The following SDF4 variants were observed in gnomAD, a reference collection of about 807,000 sequenced individuals.
SDF4 encodes the protein stromal cell derived factor 4.
SDF4 carries 22 observed loss-of-function variants against 34.2 expected under a neutral mutation model. The observed-to-expected ratio is 0.64, with a 90% CI of 0.46 to 0.92. The LOEUF is 0.92. Among genes scored for constraint, SDF4 ranks in the 40% least tolerant of loss-of-function variants. SDF4 has a pLI of 0.00. For synonymous variants in SDF4, 236 were observed against 203.1 expected, an observed-to-expected ratio of 1.16 and a Z score of -1.38; for missense variants, 447 against 499.9, an observed-to-expected ratio of 0.89 and a Z score of 1.01.
intron 4 of SDF4, chr1:1,219,415 C>A (rs980292315): frequency 9.8e-7 from 1 of 1,016,866 alleles, no homozygotes; most frequent in Non-Finnish European, 1.2e-6. Flanking sequence ...CCACCCCCCA[C>A]ACCCGCGCCT....
rs558380590 is a variant in SDF4, at chr1:1,218,748, C to A, written c.715+21G>T. ...TCGGTCCTGGGTCCTGGCGTGCCGG[C>A]CAGGCTGGACCCAGCCTCACCCAGG... is the stretch of plus-strand genomic sequence containing the variant. On this transcript the variant is annotated intron_variant, in intron 5 of 6. Transcript: ENST00000360001. The surrounding 1 kb of genome is among the most constrained non-coding windows in gnomAD (Gnocchi z 7.9). 3.9e-5 allele frequency: 63 copies of A among 1,612,218 alleles called. No homozygotes were observed. In the South Asian group the frequency reaches 5.7e-4, roughly 15 times the overall value.
At chr1:1,222,905 A>G (rs916389515) in intron 4 of SDF4, among the ~76,000 whole-genome samples, 3 of 152,246 alleles carry the variant, frequency 2.0e-5, no homozygotes, top group East Asian at 1.9e-4. Flanking sequence ...ACGAGCCTAC[A>G]TGAACAGCTA....
In SDF4 at chr1:1,223,292, C is replaced by T. The variant is rs140304008; in HGVS notation, c.508G>A (p.Val170Ile). Reference sequence around the variant, plus strand: ...TCGTTGAGCCTGATGGCGTCGGCAACCTCCTTCTCGCTATGGCCTTTACTC... The same window carrying T: ...TCGTTGAGCCTGATGGCGTCGGCAATCTCCTTCTCGCTATGGCCTTTACTC... Reference protein sequence around the residue: ...LASKGHSEKEVADAIRLNEEL... With the variant: ...LASKGHSEKEIADAIRLNEEL... The change falls in exon 4 of 7, where the codon GTT (valine) becomes ATT (isoleucine). Residue 170 changes from valine (V) to isoleucine (I), a missense_variant. By Grantham distance (29) the Val-to-Ile change is conservative. Coordinates refer to ENST00000360001, the MANE Select transcript of SDF4 (RefSeq NM_016176.6). The T allele has an allele frequency of 3.3e-4, 540 of 1,614,016 alleles. 2 individuals are homozygous for T. Among genetic ancestry groups the T allele is most frequent in the Non-Finnish European group, 4.3e-4 (505 of 1,180,022 alleles).
intron 4 of SDF4, chr1:1,219,165 A>G: frequency 9.5e-6 from 13 of 1,369,514 alleles, no homozygotes; most frequent in Non-Finnish European, 1.2e-5. Flanking sequence ...CATAGCTTGG[A>G]CCCCTCCACA....
At position 1,217,086 on chromosome 1, in the gene SDF4, A is replaced by C. The variant is rs1649541254; in HGVS notation, c.*426T>G. Reference sequence around the variant, plus strand: ...TGGCTACTCATTTCCAGCGAAGTTTAATCTATTTTTAATAATCGTTCAGTT... The same window carrying C: ...TGGCTACTCATTTCCAGCGAAGTTTCATCTATTTTTAATAATCGTTCAGTT... On this transcript the variant is annotated 3_prime_UTR_variant, in exon 7 of 7. Transcript: ENST00000360001. This position sits in a 1 kb window ranked among gnomAD's most constrained non-coding sequence, Gnocchi z 8.5. 6.6e-6 allele frequency: 1 copy of C among 152,282 alleles called. No homozygotes were observed. Among genetic ancestry groups the C allele is most frequent in the Non-Finnish European group, 1.5e-5 (1 of 68,104 alleles). 9.4% of individuals were successfully genotyped at this position (152,282 alleles called of 1,614,324 possible). A position where few individuals can be genotyped will look rare whatever the true frequency, so the allele number is the denominator to read the frequency against.
At chr1:1,219,044 C>T (rs1649733587) in intron 4 of SDF4, 117 bp from the exon 5 acceptor site, 1 of 1,598,582 alleles carries the variant, frequency 6.3e-7, no homozygotes, top group Admixed American at 1.7e-5. Flanking sequence ...AGACCGGGGC[C>T]CCACCCTCCA....
intron 1 of SDF4, among the ~76,000 whole-genome samples, chr1:1,229,605 A>G (rs898707865): frequency 1.3e-5 from 2 of 152,146 alleles, no homozygotes; most frequent in African/African-American, 4.8e-5. Flanking sequence ...ACCTGTCCCC[A>G]TCGCCCAACA....
rs758783783 is a variant in SDF4 at position 1,228,767 on chromosome 1, C to T, written c.6G>A (p.Ala2=). The stretch of plus-strand genomic sequence containing the variant: ...GGCCAATGAGGGGACCCCACCTGGA[C>T]GCCATCGCCACCCAGGGCCAGACCA... M[A]SRWGPLIGLA... The change falls in exon 2 of 7, where the codon GCG becomes GCA. Residue 2 remains alanine (A), a synonymous_variant. Transcript: ENST00000360001. 2.9e-5 allele frequency: 46 copies of T among 1,606,638 alleles called. No individual in the cohort carries two copies. The highest frequency in any genetic ancestry group is 1.4e-4 in the South Asian group (13 of 90,720).
At chr1:1,231,276 C>G (rs1194344246) in intron 1 of SDF4, among the ~76,000 whole-genome samples, 1 of 152,224 alleles carries the variant, frequency 6.6e-6, no homozygotes, top group Non-Finnish European at 1.5e-5. Context: ...CAGCTCAGTT[C>G]CCAGCAAGGA....
Position 1,218,434 on chromosome 1 carries a change from G to C in SDF4, c.891+24C>G. ...ACAGCACCTCGCAGGGCCGGCTCCG[G>C]GACACGGCTGCGCCAGGGCTCACCT... On this transcript the variant is annotated intron_variant, in intron 6 of 6. Coordinates refer to ENST00000360001, the MANE Select transcript of SDF4 (RefSeq NM_016176.6). This position sits in a 1 kb window ranked among gnomAD's most constrained non-coding sequence, Gnocchi z 7.9. 1 of 1,604,020 alleles carries C rather than the reference G, an allele frequency of 6.2e-7. No individual in the cohort carries two copies. Among genetic ancestry groups the C allele is most frequent in the Non-Finnish European group, 8.5e-7 (1 of 1,178,214 alleles).
chr1:1,231,032 G>A (rs1381864878), intron 1 of SDF4, among the ~76,000 whole-genome samples: 1 of 152,158 alleles, frequency 6.6e-6, no homozygotes, highest in African/African-American at 2.4e-5. Context: ...GACCAGCCTG[G>A]GCAACACAGT....
rs1412271268 is a variant in SDF4, at chr1:1,220,888, G to A, written c.557-1961C>T. ...AGACGCAGTCAGGACAGCAGGGAACGCGGGACCGGGGTGGAGGCACGAACC... is the reference window on the plus strand; with the variant it reads ...AGACGCAGTCAGGACAGCAGGGAACACGGGACCGGGGTGGAGGCACGAACC... On this transcript the variant is annotated intron_variant, in intron 4 of 6. Transcript: ENST00000360001. 1.2e-4 allele frequency: 71 copies of A among 602,694 alleles called. 1 individual carries two copies. The highest frequency in any genetic ancestry group is 7.1e-4 in the South Asian group (45 of 62,990). 37.3% of individuals were successfully genotyped at this position (602,694 alleles called of 1,614,324 possible). A position where few individuals can be genotyped will look rare whatever the true frequency, so the allele number is the denominator to read the frequency against.
Position 1,225,724 on chromosome 1 carries a change from A to G in SDF4, c.306-1756T>C, listed in dbSNP as rs541469637. 1.6e-3 allele frequency among the ~76,000 whole-genome samples: 196 copies of G among 119,794 alleles called. 2 individuals carry two copies. The highest frequency in any genetic ancestry group is 6.3e-3 in the African/African-American group (183 of 28,910). The allele number at this position is 119,794 out of a possible 152,430, so 78.6% of individuals were successfully genotyped here. On this transcript the variant is annotated intron_variant, in intron 2 of 6. Coordinates refer to ENST00000360001, the MANE Select transcript of SDF4 (RefSeq NM_016176.6). The stretch of plus-strand genomic sequence containing the variant: ...ACACAGGCCACACGCTCCACACGCC[A>G]CAGACACGGGCCACACACTCCACAT...
Position 1,220,735 on chromosome 1 carries a change from G to C in SDF4, c.557-1808C>G, listed in dbSNP as rs938595443. 4 of 1,289,220 alleles carry C rather than the reference G, an allele frequency of 3.1e-6. No homozygotes were observed. In the South Asian group the frequency reaches 4.9e-5, roughly 16 times the overall value. The allele number at this position is 1,289,220 out of a possible 1,614,324, so 79.9% of individuals were successfully genotyped here. A position where few individuals can be genotyped will look rare whatever the true frequency, so the allele number is the denominator to read the frequency against. The stretch of plus-strand genomic sequence containing the variant: ...TAGGTCCAGGTGGGCCATGTCCTGG[G>C]CAGAAAAGACCCAAATAAAGTGGCA... On this transcript the variant is annotated intron_variant, in intron 4 of 6. Transcript: ENST00000360001.
At chr1:1,223,596 TAA>T (rs1169398232) in intron 3 of SDF4, among the ~76,000 whole-genome samples, 11 of 152,024 alleles carry the variant, frequency 7.2e-5, no homozygotes, top group Non-Finnish European at 1.6e-4. Context: ...CCCGAAGACA[TAA>T]GAGGCGCCCT....
In SDF4 at chr1:1,229,763, C is replaced by G. The variant is rs373629964; in HGVS notation, c.-174-817G>C. Among the ~76,000 whole-genome samples, 128 of 152,320 alleles carry G rather than the reference C, an allele frequency of 8.4e-4. 1 individual carries two copies. The highest frequency in any genetic ancestry group is 2.9e-3 in the African/African-American group (122 of 41,564). On this transcript the variant is annotated intron_variant, in intron 1 of 6. Coordinates refer to ENST00000360001, the MANE Select transcript of SDF4 (RefSeq NM_016176.6). ...CTAAGTCATGTGGCCTCCCCGGCCT[C>G]AGCTTCTCACTAAGAAACAGGAGGC...
At chr1:1,227,813 G>A (rs758052207) in intron 2 of SDF4, among the ~76,000 whole-genome samples, 6 of 152,170 alleles carry the variant, frequency 3.9e-5, no homozygotes, top group South Asian at 2.1e-4. Context: ...GGATGGGGTC[G>A]GGGGAGAAAG....
Position 1,218,056 on chromosome 1 carries a change from T to C in SDF4, c.892-368A>G, listed in dbSNP as rs1416567780. Among the ~76,000 whole-genome samples the C allele has an allele frequency of 6.6e-6, 1 of 152,138 alleles. No individual in the cohort carries two copies. The highest frequency in any genetic ancestry group is 1.9e-4 in the East Asian group (1 of 5,186). Reference sequence around the variant, plus strand: ...AAAACAAGCCTACACATGATACCAGTGAAAACGCTTCAGAGGAAGGTGGTA... The same window carrying C: ...AAAACAAGCCTACACATGATACCAGCGAAAACGCTTCAGAGGAAGGTGGTA... On this transcript the variant is annotated intron_variant, in intron 6 of 6. Coordinates refer to ENST00000360001, the MANE Select transcript of SDF4 (RefSeq NM_016176.6). This position sits in a 1 kb window ranked among gnomAD's most constrained non-coding sequence, Gnocchi z 7.9.
Position 1,217,443 on chromosome 1 carries a change from G to C in SDF4, c.*69C>G. ...AAGAGGTGGGGTCCGGGACAGCCACGGAGCCCGGAGTCACCCGCGAGGCCG... is the reference window on the plus strand; with the variant it reads ...AAGAGGTGGGGTCCGGGACAGCCACCGAGCCCGGAGTCACCCGCGAGGCCG... On this transcript the variant is annotated 3_prime_UTR_variant, in exon 7 of 7. Transcript: ENST00000360001. This position sits in a 1 kb window ranked among gnomAD's most constrained non-coding sequence, Gnocchi z 8.5. The C allele has an allele frequency of 7.7e-7, 1 of 1,292,370 alleles. No individual in the cohort carries two copies. The highest frequency in any genetic ancestry group is 1.0e-6 in the Non-Finnish European group (1 of 1,003,106). 80.1% of individuals were successfully genotyped at this position (1,292,370 alleles called of 1,614,324 possible).
Sources: allele counts gnomAD v4.1 joint callset (sites outside exome capture counted in the v4.1 genomes callset), GRCh38; gene constraint gnomAD v4.1.1; non-coding constraint Gnocchi (gnomAD v3.1); transcripts MANE v1.5; gene names NCBI Gene and HGNC (gene_info 2026-07-23, HGNC 2026-07-21).